Variants in NSMCE2 observed in about 807,000 individuals in gnomAD.
NSMCE2 encodes the protein NSE2 SUMO ligase component of SMC5/6 complex.
A neutral mutation model predicts 23.8 loss-of-function variants in NSMCE2; 24 were observed. The observed-to-expected ratio is 1.01, with a 90% confidence interval of 0.73 to 1.42. NSMCE2 has a LOEUF of 1.42. NSMCE2 is among the 40% of genes most tolerant of loss of function. NSMCE2 has a pLI of 0.00. For synonymous variants in NSMCE2, 92 were observed against 94.1 expected (o/e 0.98, Z 0.13); for missense variants, 284 against 296.5 (o/e 0.96, Z 0.31).
At chr8:125,235,946 A>C (rs1395457790) in intron 5 of NSMCE2, among the ~76,000 whole-genome samples, 2 of 152,244 alleles carry the variant, frequency 1.3e-5, no homozygotes, top group Admixed American at 6.5e-5. Context: ...ATGTTAACGC[A>C]GGAAGAAATT....
At chr8:125,268,461 C>A (rs747031945) in intron 5 of NSMCE2, among the ~76,000 whole-genome samples, 2 of 151,824 alleles carry the variant, frequency 1.3e-5, no homozygotes, top group African/African-American at 4.8e-5. Context: ...CAACAACAAG[C>A]AAAAAGAACT....
chr8:125,175,855 G>A (rs1043303819), intron 4 of NSMCE2, among the ~76,000 whole-genome samples: 1 of 152,220 alleles, frequency 6.6e-6, no homozygotes, highest in African/African-American at 2.4e-5. Context: ...TAATATTTGT[G>A]TTAAAATATG....
At chr8:125,324,256 A>G (rs961847316) in intron 5 of NSMCE2, among the ~76,000 whole-genome samples, 3 of 152,162 alleles carry the variant, frequency 2.0e-5, no homozygotes, top group African/African-American at 7.2e-5. Flanking sequence ...AACTGATACA[A>G]CCACTTTAAA....
At chr8:125,364,891 G>A (rs1203821569) in intron 7 of NSMCE2, among the ~76,000 whole-genome samples, 2 of 152,146 alleles carry the variant, frequency 1.3e-5, no homozygotes, top group Non-Finnish European at 2.9e-5. Context: ...GCAAGTAGGT[G>A]GTAGAGAGAA....
chr8:125,185,662 A>G (rs963363609), intron 5 of NSMCE2, among the ~76,000 whole-genome samples: 2 of 152,238 alleles, frequency 1.3e-5, no homozygotes, highest in East Asian at 1.9e-4. Flanking sequence ...GGTTATATCA[A>G]CTGACATTTA....
chr8:125,202,342 T>G (rs1823922122), intron 5 of NSMCE2, among the ~76,000 whole-genome samples: 1 of 152,224 alleles, frequency 6.6e-6, no homozygotes, highest in Admixed American at 6.5e-5. Context: ...TATTCAGCCA[T>G]CTTGGAACGG....
intron 5 of NSMCE2, among the ~76,000 whole-genome samples, chr8:125,271,079 G>A (rs893018183): frequency 2.0e-5 from 3 of 151,922 alleles, no homozygotes; most frequent in Admixed American, 1.3e-4. Flanking sequence ...GAACAACATA[G>A]TGAGACCCCG....
At chr8:125,287,051 G>T (rs1166122195) in intron 5 of NSMCE2, among the ~76,000 whole-genome samples, 2 of 152,112 alleles carry the variant, frequency 1.3e-5, no homozygotes, top group Non-Finnish European at 2.9e-5. Flanking sequence ...ACAGAATTTG[G>T]CCAGGTGTGG....
chr8:125,352,779 C>G (rs1813093115), intron 5 of NSMCE2, among the ~76,000 whole-genome samples: 1 of 152,172 alleles, frequency 6.6e-6, no homozygotes. Flanking sequence ...TCATCTAAAT[C>G]AGTATAAGTG....
chr8:125,324,572 CTTT>C (rs1189623667), intron 5 of NSMCE2, among the ~76,000 whole-genome samples: 3 of 59,314 alleles, frequency 5.1e-5, no homozygotes, highest in African/African-American at 1.1e-4. Flanking sequence ...TGATAAAATT[CTTT>C]TTTTTTTTTT....
At chr8:125,170,376 CTTTTTTTTTTTT>C (rs565593006) in intron 4 of NSMCE2, among the ~76,000 whole-genome samples, 591 of 37,720 alleles carry the variant, frequency 0.016, no homozygotes, top group Non-Finnish European at 0.025. Context: ...CTCTTTATTT[CTTTTTTTTTTTT>C]TTTTTTTTTT....
At chr8:125,250,019 C>T (rs979785834) in intron 5 of NSMCE2, among the ~76,000 whole-genome samples, 15 of 152,116 alleles carry the variant, frequency 9.9e-5, no homozygotes, top group East Asian at 1.9e-4. Context: ...GACGGAGTTT[C>T]GCTCTTGTTG....
At chr8:125,142,025 C>A (rs113071242) in intron 3 of NSMCE2, among the ~76,000 whole-genome samples, 2,872 of 152,240 alleles carry the variant, frequency 0.019, 82 homozygotes, top group African/African-American at 0.066. Flanking sequence ...TAGTAAAAAA[C>A]AACCTAGAGA....
intron 5 of NSMCE2, among the ~76,000 whole-genome samples, chr8:125,315,303 A>G (rs6470350): frequency 0.44 from 67,141 of 151,826 alleles, 17,102 homozygotes; most frequent in Admixed American, 0.55. Flanking sequence ...CTTTACCTCA[A>G]AGCCCCAGCT....
intron 5 of NSMCE2, among the ~76,000 whole-genome samples, chr8:125,303,843 A>G (rs142055663): frequency 0.013 from 1,947 of 152,290 alleles, 14 homozygotes; most frequent in Middle Eastern, 0.031. Flanking sequence ...CATTGCATCA[A>G]GTGTGATTGT....
chr8:125,335,909 A>T (rs1487002919), intron 5 of NSMCE2, among the ~76,000 whole-genome samples: 1 of 152,224 alleles, frequency 6.6e-6, no homozygotes, highest in Admixed American at 6.5e-5. Context: ...ATCAAGTGAG[A>T]TAGAGCCTCA....
chr8:125,145,728 C>G (rs1820639881), intron 3 of NSMCE2, among the ~76,000 whole-genome samples: 1 of 152,138 alleles, frequency 6.6e-6, no homozygotes, highest in Admixed American at 6.5e-5. Flanking sequence ...AGAAGTAATT[C>G]TGCAACATGA....
At chr8:125,281,185 G>A (rs764431559) in intron 5 of NSMCE2, among the ~76,000 whole-genome samples, 1 of 152,200 alleles carries the variant, frequency 6.6e-6, no homozygotes, top group South Asian at 2.1e-4. Flanking sequence ...TTTCCCAACT[G>A]TGCAGAACAC....
At chr8:125,334,119 AAAT>A (rs1489865635) in intron 5 of NSMCE2, among the ~76,000 whole-genome samples, 2 of 152,190 alleles carry the variant, frequency 1.3e-5, no homozygotes, top group African/African-American at 4.8e-5. Context: ...TTGTGAGGTT[AAAT>A]TAGTTAAAGG....
Sources: gnomAD v4.1 joint callset for allele counts (sites outside exome capture counted in the v4.1 genomes callset) on GRCh38, gnomAD v4.1.1 for gene constraint, MANE v1.5 for transcripts, NCBI Gene and HGNC (gene_info 2026-07-23, HGNC 2026-07-21) for gene names.